SART1: variants seen among roughly 807,000 people sequenced by gnomAD.
SART1 encodes spliceosome associated factor 1, recruiter of U4/U6.U5 tri-snRNP.
Under a neutral mutation model 105.0 loss-of-function variants are expected in SART1, and 28 were observed. That is an observed-to-expected ratio of 0.27 (90% CI 0.20 to 0.37). The LOEUF (loss-of-function observed/expected upper bound fraction) is 0.37. Among genes scored for constraint, SART1 ranks in the 10% least tolerant of loss-of-function variants. SART1 has a pLI of 1.00. For synonymous variants in SART1, 472 were observed against 462.9 expected, an observed-to-expected ratio of 1.02 and a Z score of -0.25; for missense variants, 894 against 1,106.5, an observed-to-expected ratio of 0.81 and a Z score of 2.72.
Position 65,966,520 on chromosome 11 carries a change from C to T in SART1, c.1152C>T (p.Pro384=). The change falls in exon 9 of 20, where the codon CCC becomes CCT. Residue 384 remains proline (P), a synonymous_variant. Transcript: ENST00000312397. ...CTCAGTCCCTGAGCACAGTGGGGCC[C>T]CGGCTGGCCTCCGAATACCTCACGC... ...LQAQSLSTVG[P]RLASEYLTPE... is the part of the protein sequence containing the mutation. 6.4e-7 allele frequency: 1 copy of T among 1,571,458 alleles called. No individual in the cohort carries two copies. The highest frequency in any genetic ancestry group is 2.2e-5 in the East Asian group (1 of 44,552).
In SART1 at chr11:65,978,908, T is replaced by G. The variant is rs1341798643; in HGVS notation, c.2378T>G (p.Met793Arg). The G allele has an allele frequency of 6.2e-7, 1 of 1,613,714 alleles. No individual in the cohort carries two copies. The highest frequency in any genetic ancestry group is 1.3e-5 in the African/African-American group (1 of 74,802). ...GTGCTCAGCGGCAGCGGCAAGAGCATGAACGCGTGAGTGGCTCGAGGCTGG... is the reference window on the plus strand; with the variant it reads ...GTGCTCAGCGGCAGCGGCAAGAGCAGGAACGCGTGAGTGGCTCGAGGCTGG... ...YIVLSGSGKS[M>R]NANTITK The change falls in exon 19 of 20, where the codon ATG becomes AGG. Residue 793 changes from methionine to arginine, a missense_variant. Coordinates refer to ENST00000312397, the MANE Select transcript of SART1 (RefSeq NM_005146.5). This position sits in a 1 kb window ranked among gnomAD's most constrained non-coding sequence, Gnocchi z 6.8.
In SART1 at chr11:65,976,936, C is replaced by T. The variant is rs1376770869; in HGVS notation, c.1858-78C>T. 1.5e-6 allele frequency: 2 copies of T among 1,290,844 alleles called. No homozygotes were observed. Among genetic ancestry groups the T allele is most frequent in the African/African-American group, 1.5e-5 (1 of 68,808 alleles). 80.0% of individuals were successfully genotyped at this position (1,290,844 alleles called of 1,614,324 possible). ...ATTAAATGTTGTGGAGGGCTGGTGC[C>T]TGGCAGGTGGTGACCAGTGGGTGGG... On this transcript the variant is annotated intron_variant, in intron 14 of 19. Transcript: ENST00000312397. The surrounding 1 kb of genome is among the most constrained non-coding windows in gnomAD (Gnocchi z 5.1).
At chr11:65,971,986 C>G (rs1046395013) in intron 12 of SART1, among the ~76,000 whole-genome samples, 1 of 152,020 alleles carries the variant, frequency 6.6e-6, no homozygotes, top group Non-Finnish European at 1.5e-5. Flanking sequence ...TGCAGTGACT[C>G]TATCTCAGCT....
chr11:65,972,802 C>T (rs1483781285), intron 12 of SART1, among the ~76,000 whole-genome samples: 2 of 149,562 alleles, frequency 1.3e-5, no homozygotes, highest in African/African-American at 4.9e-5. Context: ...AAAAAAAAAC[C>T]AAGAAACCCA....
intron 12 of SART1, among the ~76,000 whole-genome samples, chr11:65,969,574 C>T (rs765161734): frequency 2.0e-5 from 3 of 151,938 alleles, no homozygotes; most frequent in Non-Finnish European, 2.9e-5. Context: ...CTCAGGCTCT[C>T]AAGTAGCTGA....
At chr11:65,965,666 G>T (rs1855235594) in intron 5 of SART1, 36 bp from the exon 6 acceptor site, 3 of 1,593,840 alleles carry the variant, frequency 1.9e-6, no homozygotes, top group Non-Finnish European at 2.6e-6. Flanking sequence ...ATGCTGAGTG[G>T]CCTGAAGTCC....
Position 65,965,100 on chromosome 11 carries a change from A to G in SART1, c.436A>G (p.Thr146Ala). ...CTGGGCCCCCCTTCCAGAGGCGGGC[A>G]CCAAGGAGGAGCCCGTGACAGCTGA... is the stretch of plus-strand genomic sequence containing the variant. ...EVNAIKKEAG[T>A]KEEPVTADVI... Residue 146 changes from threonine to alanine, a missense_variant, in exon 4 of 20, where the codon ACC becomes GCC. By Grantham distance (58) the Thr-to-Ala change is moderately conservative. Around this residue, in one of 2 missense-constraint regions of SART1, gnomAD observed 712 missense variants for 778.2 expected, o/e 0.91. Coordinates refer to ENST00000312397, the MANE Select transcript of SART1 (RefSeq NM_005146.5). The G allele has an allele frequency of 6.3e-7, 1 of 1,576,632 alleles. No individual in the cohort carries two copies. The highest frequency in any genetic ancestry group is 8.6e-7 in the Non-Finnish European group (1 of 1,166,080).
In SART1 at chr11:65,976,530, G is replaced by A; in HGVS notation, c.1708G>A (p.Gly570Arg). The A allele has an allele frequency of 1.9e-6, 3 of 1,606,916 alleles. No individual in the cohort carries two copies. Among genetic ancestry groups the A allele is most frequent in the Non-Finnish European group, 2.6e-6 (3 of 1,176,040 alleles). ...CRTLGEIPTY[G>R]LAGNREEQEE... is the part of the protein sequence containing the mutation. ...CACCTTGGGGGAGATCCCCACCTAC[G>A]GGCTGGCTGGCAATCGCGAGGAGCA... is the stretch of plus-strand genomic sequence containing the variant. The change falls in exon 13 of 20, where the codon GGG becomes AGG. Residue 570 changes from glycine (G) to arginine (R), a missense_variant. By Grantham distance (125) the Gly-to-Arg change is moderately radical (BLOSUM62 -2). Transcript: ENST00000312397. The surrounding 1 kb of genome is among the most constrained non-coding windows in gnomAD (Gnocchi z 5.1).
intron 12 of SART1, among the ~76,000 whole-genome samples, chr11:65,972,350 ACAGT>A (rs1374597150): frequency 2.6e-5 from 4 of 152,234 alleles, no homozygotes; most frequent in South Asian, 2.1e-4. Flanking sequence ...TGGGCGTGGG[ACAGT>A]CAGTTATCTA....
At chr11:65,969,615 G>T (rs1855331854) in intron 12 of SART1, among the ~76,000 whole-genome samples, 1 of 152,182 alleles carries the variant, frequency 6.6e-6, no homozygotes. Context: ...GGGTCTCAGT[G>T]TGTTGCCCGG....
rs1590648032 is a variant in SART1, at chr11:65,979,683, AAGAC to A, written c.*655_*658del. The A allele has an allele frequency of 1.3e-5, 2 of 152,350 alleles. No individual in the cohort carries two copies. Among genetic ancestry groups the A allele is most frequent in the East Asian group, 3.9e-4 (2 of 5,182 alleles). 9.4% of individuals were successfully genotyped at this position (152,350 alleles called of 1,614,324 possible). On this transcript the variant is annotated 3_prime_UTR_variant, in exon 20 of 20. Coordinates refer to ENST00000312397, the MANE Select transcript of SART1 (RefSeq NM_005146.5). ...GACATGTGAGCCTCAAATCCATAGA[AAGAC>A]AAACGGCCACCTTGGGTGCCCAGGA...
chr11:65,962,237 C>T (rs1855160937), intron 1 of SART1, 144 bp downstream of exon 1: 7 of 647,982 alleles, frequency 1.1e-5, no homozygotes, highest in Non-Finnish European at 1.4e-5. Context: ...AGTCTTTCTA[C>T]GGGATCCCTT....
In SART1 at chr11:65,976,798, T is replaced by G. The variant is rs762978400; in HGVS notation, c.1857+32T>G. 1.2e-5 allele frequency: 18 copies of G among 1,547,370 alleles called. No individual in the cohort carries two copies. Among genetic ancestry groups the G allele is most frequent in the Non-Finnish European group, 1.5e-5 (17 of 1,137,166 alleles). On this transcript the variant is annotated intron_variant, in intron 14 of 19. Transcript: ENST00000312397. This position sits in a 1 kb window ranked among gnomAD's most constrained non-coding sequence, Gnocchi z 5.1. The stretch of plus-strand genomic sequence containing the variant: ...GCCGCGCCGCTGGGGGGTGGGCGTT[T>G]GGGGGTGCTCAAGCTGGAGATGAGC...
At chr11:65,975,629 C>A (rs1014408552) in intron 12 of SART1, among the ~76,000 whole-genome samples, 10 of 151,902 alleles carry the variant, frequency 6.6e-5, no homozygotes, top group African/African-American at 2.2e-4. Flanking sequence ...TGGTCTCGAT[C>A]TCCGGAACTC....
At chr11:65,962,126 C>A in intron 1 of SART1, 33 bp downstream of exon 1, 2 of 25,826 alleles carry the variant, frequency 7.7e-5, no homozygotes, top group South Asian at 5.0e-4. Flanking sequence ...GGGGGCGGGT[C>A]GGGCGGGGGT....
chr11:65,976,439 G>T lies in SART1; in HGVS notation c.1617G>T (p.Trp539Cys). 1 of 1,568,998 alleles carries T rather than the reference G, an allele frequency of 6.4e-7. No homozygotes were observed. Among genetic ancestry groups the T allele is most frequent in the Non-Finnish European group, 8.6e-7 (1 of 1,159,388 alleles). ...AGCTGGAGTCTCGCCAGCGGGGCTG[G>T]GAGGAGGATGAGGATCCCGAGCGGA... ...VKKLESRQRG[W>C]EEDEDPERKG... Residue 539 changes from tryptophan to cysteine, a missense_variant, in exon 13 of 20, where the codon TGG becomes TGT. By Grantham distance (215) the Trp-to-Cys change is radical. Around this residue, in one of 2 missense-constraint regions of SART1, gnomAD observed 712 missense variants for 778.2 expected, o/e 0.91. Transcript: ENST00000312397. This position sits in a 1 kb window ranked among gnomAD's most constrained non-coding sequence, Gnocchi z 5.1.
chr11:65,975,777 G>T (rs934371859), intron 12 of SART1, among the ~76,000 whole-genome samples: 22 of 152,232 alleles, frequency 1.4e-4, no homozygotes, highest in African/African-American at 5.1e-4. Flanking sequence ...GCAGGGTTGA[G>T]GGAGAAGTTT....
At chr11:65,977,502 A>C in intron 15 of SART1, 61 bp from the exon 16 acceptor site, 1 of 1,440,878 alleles carries the variant, frequency 6.9e-7, no homozygotes. Flanking sequence ...CTGCCTTCTC[A>C]GGCGGCCCTG....
In SART1 at chr11:65,967,497, T is replaced by C. The variant is rs778133552; in HGVS notation, c.1340T>C (p.Val447Ala). 3 of 1,612,536 alleles carry C rather than the reference T, an allele frequency of 1.9e-6. No individual in the cohort carries two copies. Among genetic ancestry groups the C allele is most frequent in the Non-Finnish European group, 2.5e-6 (3 of 1,179,802 alleles). The change falls in exon 11 of 20, where the codon GTG becomes GCG. Residue 447 changes from valine to alanine, a missense_variant. Coordinates refer to ENST00000312397, the MANE Select transcript of SART1 (RefSeq NM_005146.5). ...SRLRGRGRRR[V>A]SEVEEEKEPV... ...CTGCGGGGACGGGGTCGCCGCCGAG[T>C]GTCCGAAGTGGAGGAGGAGAAGGAG... is the stretch of plus-strand genomic sequence containing the variant.
Sources: gnomAD v4.1 joint callset for allele counts (sites outside exome capture counted in the v4.1 genomes callset) on GRCh38, gnomAD v4.1.1 for gene constraint, gnomAD v4.1.1 regional missense constraint, Gnocchi (gnomAD v3.1) non-coding constraint, MANE v1.5 for transcripts, NCBI Gene and HGNC (gene_info 2026-07-23, HGNC 2026-07-21) for gene names.